The following C12orf56 variants were observed in gnomAD, a reference collection of about 807,000 sequenced individuals.
C12orf56 encodes the protein uncharacterized protein C12orf56.
In C12orf56, 71 loss-of-function variants were observed where a neutral mutation model predicts 69.9. The ratio of observed to expected loss-of-function variants is 1.02; its 90% confidence interval spans 0.84 to 1.24. The LOEUF (loss-of-function observed/expected upper bound fraction) is 1.24. Among genes scored for constraint, C12orf56 ranks in the 50% most tolerant of loss-of-function variants. The probability of loss-of-function intolerance (pLI) is 0.00; values close to 1 mark genes in which losing one functional copy is unlikely to be tolerated. For synonymous variants in C12orf56, 276 were observed against 274.1 expected (o/e 1.01, Z -0.07); for missense variants, 732 against 738.5 (o/e 0.99, Z 0.10).
chr12:64,353,855 T>C (rs2135952297), intron 1 of C12orf56, among the ~76,000 whole-genome samples: 1 of 152,286 alleles, frequency 6.6e-6, no homozygotes, highest in South Asian at 2.1e-4. Context: ...CTAATTTTTG[T>C]ATTTTTGTAG....
At chr12:64,365,628 G>A (rs1261307486) in intron 1 of C12orf56, among the ~76,000 whole-genome samples, 1 of 149,280 alleles carries the variant, frequency 6.7e-6, no homozygotes, top group Non-Finnish European at 1.5e-5. Flanking sequence ...AGCAGGGCAT[G>A]GTGGCTCATG....
Position 64,352,819 on chromosome 12 carries a change from T to C in C12orf56, c.415+75A>G, listed in dbSNP as rs145649346. On this transcript the variant is annotated intron_variant, in intron 2 of 12. Coordinates refer to ENST00000543942, the MANE Select transcript of C12orf56 (RefSeq NM_001170633.2). ...AACTGAACTAAGAAGCAAAATATCC[T>C]GCATCAATTTTAAGAAATATATATA... 2.0e-4 allele frequency: 262 copies of C among 1,311,964 alleles called. 1 individual carries two copies. In the African/African-American group the frequency reaches 3.4e-3, roughly 17 times the overall value. The allele number at this position is 1,311,964 out of a possible 1,614,324, so 81.3% of individuals were successfully genotyped here. A position where few individuals can be genotyped will look rare whatever the true frequency, so the allele number is the denominator to read the frequency against.
At position 64,275,176 on chromosome 12, in the gene C12orf56, A is replaced by ATTTTTG; in HGVS notation, c.1509+116_1509+121dup. 3.0e-5 allele frequency: 21 copies of ATTTTTG among 700,304 alleles called. 1 individual carries two copies. In the South Asian group the frequency reaches 5.0e-4, roughly 17 times the overall value. The allele number at this position is 700,304 out of a possible 1,614,324, so 43.4% of individuals were successfully genotyped here. A position where few individuals can be genotyped will look rare whatever the true frequency, so the allele number is the denominator to read the frequency against. ...TTTGGAGACCATCTCAAGTACAAGCATTTTTGATATATTATTAATCATATA... is the reference window on the plus strand; with the variant it reads ...TTTGGAGACCATCTCAAGTACAAGCATTTTTGTTTTTGATATATTATTAATCATATA... On this transcript the variant is annotated intron_variant, in intron 10 of 12. Transcript: ENST00000543942.
In C12orf56 at chr12:64,312,708, A is replaced by G. The variant is rs1365941989; in HGVS notation, c.939T>C (p.Ser313=). 5 of 1,536,640 alleles carry G rather than the reference A, an allele frequency of 3.3e-6. No homozygotes were observed. In the African/African-American group the frequency reaches 5.5e-5, roughly 17 times the overall value. The change falls in exon 5 of 13, where the codon AGT becomes AGC. Residue 313 remains serine (S), a synonymous_variant. Coordinates refer to ENST00000543942, the MANE Select transcript of C12orf56 (RefSeq NM_001170633.2). ...LQDPFYASEF[S]PAIGSQKPYR... ...ATGGCTTTTGACTTCCAATAGCAGGACTGAACTCACTAGCATAGAAGGGAT... is the reference window on the plus strand; with the variant it reads ...ATGGCTTTTGACTTCCAATAGCAGGGCTGAACTCACTAGCATAGAAGGGAT...
intron 6 of C12orf56, among the ~76,000 whole-genome samples, chr12:64,297,894 T>C (rs1433922068): frequency 1.3e-5 from 2 of 152,230 alleles, no homozygotes; most frequent in East Asian, 3.9e-4. Context: ...CCTTTGGGTA[T>C]ATACCCACTA....
At chr12:64,372,415 C>T (rs936261864) in intron 1 of C12orf56, among the ~76,000 whole-genome samples, 17 of 152,096 alleles carry the variant, frequency 1.1e-4, no homozygotes, top group Non-Finnish European at 4.4e-5. Flanking sequence ...TATTTTATTG[C>T]GAACTATGTC....
In C12orf56 at chr12:64,277,664, C is replaced by A. The variant is rs754307647; in HGVS notation, c.1434+16G>T. The A allele has an allele frequency of 4.8e-6, 7 of 1,461,424 alleles. No homozygotes were observed. The African/African-American group carries it at 5.7e-5, about 12-fold the overall frequency. 90.5% of individuals were successfully genotyped at this position (1,461,424 alleles called of 1,614,324 possible). ...TATATATATATAATAGTTTACCCCC[C>A]AAATTCTCATCTCACCTCAGCGTCA... On this transcript the variant is annotated intron_variant, in intron 9 of 12. Transcript: ENST00000543942.
intron 1 of C12orf56, among the ~76,000 whole-genome samples, chr12:64,353,721 G>A (rs966934661): frequency 6.6e-6 from 1 of 151,428 alleles, no homozygotes; most frequent in East Asian, 2.0e-4. Flanking sequence ...TCTCTCTGTC[G>A]CCCAGCCTGG....
intron 4 of C12orf56, among the ~76,000 whole-genome samples, chr12:64,313,224 TG>T (rs1262520479): frequency 7.6e-6 from 1 of 131,758 alleles, no homozygotes; most frequent in African/African-American, 2.9e-5. Context: ...ATCACACCAC[TG>T]CATTCCAGCC....
chr12:64,344,375 C>T (rs1249924342), intron 2 of C12orf56, among the ~76,000 whole-genome samples: 1 of 152,146 alleles, frequency 6.6e-6, no homozygotes, highest in Non-Finnish European at 1.5e-5. Context: ...GTCCATTCGA[C>T]CTAGAAGTTT....
chr12:64,370,077 A>T (rs2039550068), intron 1 of C12orf56, among the ~76,000 whole-genome samples: 1 of 151,404 alleles, frequency 6.6e-6, no homozygotes, highest in African/African-American at 2.4e-5. Context: ...TTACAAGTGT[A>T]ATTACACTTG....
chr12:64,356,456 G>T (rs2039319364), intron 1 of C12orf56, among the ~76,000 whole-genome samples: 1 of 152,158 alleles, frequency 6.6e-6, no homozygotes, highest in Admixed American at 6.5e-5. Flanking sequence ...AGGGGAAGGG[G>T]TTCTTATTCC....
intron 6 of C12orf56, among the ~76,000 whole-genome samples, chr12:64,295,069 G>T (rs2038347362): frequency 6.6e-6 from 1 of 152,048 alleles, no homozygotes; most frequent in South Asian, 2.1e-4. Flanking sequence ...TTTTAGTAAA[G>T]ATGGGGTTTC....
chr12:64,379,927 CAAA>C (rs200293677), intron 1 of C12orf56, among the ~76,000 whole-genome samples: 27 of 114,112 alleles, frequency 2.4e-4, no homozygotes, highest in African/African-American at 1.1e-3. Context: ...ACTAAAAATA[CAAA>C]AAAAAAAAAA....
At chr12:64,297,590 G>A (rs12304164) in intron 6 of C12orf56, among the ~76,000 whole-genome samples, 21,995 of 152,020 alleles carry the variant, frequency 0.14, 1,982 homozygotes, top group East Asian at 0.42. Context: ...GTGTCCATGT[G>A]TTCTCATTGT....
chr12:64,358,031 T>C (rs2039343507), intron 1 of C12orf56, among the ~76,000 whole-genome samples: 1 of 152,234 alleles, frequency 6.6e-6, no homozygotes, highest in Non-Finnish European at 1.5e-5. Flanking sequence ...AGGGGACATA[T>C]TTGTGTATGT....
intron 6 of C12orf56, among the ~76,000 whole-genome samples, chr12:64,302,146 T>C (rs2038454302): frequency 1.3e-5 from 2 of 152,172 alleles, no homozygotes; most frequent in South Asian, 4.1e-4. Flanking sequence ...ATCAACTTGG[T>C]TGGTCATATT....
chr12:64,360,797 A>T (rs1234333211), intron 1 of C12orf56, among the ~76,000 whole-genome samples: 1 of 152,196 alleles, frequency 6.6e-6, no homozygotes, highest in Non-Finnish European at 1.5e-5. Context: ...CCTGAAAATA[A>T]TTTTAAAAGT....
chr12:64,382,926 C>T (rs946783960), intron 1 of C12orf56, among the ~76,000 whole-genome samples: 6 of 151,272 alleles, frequency 4.0e-5, no homozygotes, highest in African/African-American at 1.5e-4. Flanking sequence ...ACCTAACCAA[C>T]TCCATCTGGC....
Sources: gnomAD v4.1 joint callset for allele counts (sites outside exome capture counted in the v4.1 genomes callset) on GRCh38, gnomAD v4.1.1 for gene constraint, MANE v1.5 for transcripts, NCBI Gene and HGNC (gene_info 2026-07-23, HGNC 2026-07-21) for gene names.